RPSA: variants seen among roughly 807,000 people sequenced by gnomAD.
RPSA encodes small ribosomal subunit protein uS2.
For synonymous variants in RPSA, 103 were observed against 126.7 expected, an observed-to-expected ratio of 0.81 and a Z score of 1.25; for missense variants, 140 against 372.8, an observed-to-expected ratio of 0.38 and a Z score of 5.14.
rs752299730 is a variant in RPSA at position 39,411,049 on chromosome 3, AT to A, written c.498+52del. 496 of 1,591,738 alleles carry A rather than the reference AT, an allele frequency of 3.1e-4. 5 individuals carry two copies. In the Middle Eastern group the frequency reaches 0.016, roughly 51 times the overall value. ...TGTGAATGCGTGCTCTAGAAAAAACATTCCTGTGCACATTGTTAGAGCTTGG... is the reference window on the plus strand; with the variant it reads ...TGTGAATGCGTGCTCTAGAAAAAACATCCTGTGCACATTGTTAGAGCTTGG... On this transcript the variant is annotated intron_variant, in intron 4 of 6. Coordinates refer to ENST00000301821, the MANE Select transcript of RPSA (RefSeq NM_002295.6).
In RPSA at chr3:39,412,185, C is replaced by T. The variant is rs138895317; in HGVS notation, c.794-89C>T. 459 of 1,315,568 alleles carry T rather than the reference C, an allele frequency of 3.5e-4. No homozygotes were observed. In the African/African-American group the frequency reaches 4.4e-3, roughly 12 times the overall value. 81.5% of individuals were successfully genotyped at this position (1,315,568 alleles called of 1,614,324 possible). On this transcript the variant is annotated intron_variant, in intron 6 of 6. Transcript: ENST00000301821. ...AGGTTTTCATTCCAGTGTGCTACAG[C>T]ATCTGATAGACTGCTGTTGGGAGTG...
At chr3:39,408,255 G>A (rs2125591791) in intron 2 of RPSA, 1 of 446,304 alleles carries the variant, frequency 2.2e-6, no homozygotes, top group East Asian at 4.9e-5. Flanking sequence ...GGAGTTTTAG[G>A]ATGAATCTTG....
In RPSA at chr3:39,412,325, C is replaced by G. The variant is rs935747845; in HGVS notation, c.845C>G (p.Ala282Gly). ...GAAGACTGGTCTGCAGCTCCCACTG[C>G]TCAGGCCACTGAATGGGTAGGAGCA... Reference protein sequence around the residue: ...ATEDWSAAPTAQATEWVGATT... With the variant: ...ATEDWSAAPTGQATEWVGATT... The change falls in exon 7 of 7, where the codon GCT becomes GGT. Residue 282 changes from alanine (A) to glycine (G), a missense_variant. Transcript: ENST00000301821. 11 of 1,604,892 alleles carry G rather than the reference C, an allele frequency of 6.9e-6. No individual in the cohort carries two copies. The highest frequency in any genetic ancestry group is 8.5e-6 in the Non-Finnish European group (10 of 1,172,966).
intron 5 of RPSA, 52 bp from the exon 6 acceptor site, chr3:39,411,844 G>A: frequency 6.3e-7 from 1 of 1,599,520 alleles, no homozygotes; most frequent in Non-Finnish European, 8.5e-7. Context: ...CTTCTAGGAA[G>A]CAAAACTTGT....
At chr3:39,409,412 GCTGGTCTTAAACGC>G (rs1329918330) in intron 3 of RPSA, among the ~76,000 whole-genome samples, 8 of 152,028 alleles carry the variant, frequency 5.3e-5, no homozygotes. Flanking sequence ...ATTTGGCCAG[GCTGGTCTTAAACGC>G]CTGATCTCAA....
At position 39,411,937 on chromosome 3, in the gene RPSA, C is replaced by T. The variant is rs1422110584; in HGVS notation, c.669C>T (p.Thr223=). The T allele has an allele frequency of 6.3e-7, 1 of 1,599,830 alleles. No homozygotes were observed. Among genetic ancestry groups the T allele is most frequent in the Admixed American group, 1.7e-5 (1 of 60,002 alleles). ...EEQAAAEKAV[T]KEEFQGEWTA... is the part of the protein sequence containing the mutation. The stretch of plus-strand genomic sequence containing the variant: ...AGGCTGCTGCTGAGAAGGCAGTGAC[C>T]AAGGAGGAATTTCAGGGTGAATGGA... Residue 223 remains threonine, a synonymous_variant, in exon 6 of 7, where the codon ACC becomes ACT. Transcript: ENST00000301821.
intron 3 of RPSA, chr3:39,408,946 C>T (rs997651907): frequency 1.5e-5 from 7 of 465,644 alleles, no homozygotes; most frequent in African/African-American, 9.8e-5. Flanking sequence ...ATTAGTTGGG[C>T]GTGGGGGCGG....
Position 39,411,965 on chromosome 3 carries a change from G to C in RPSA, c.697G>C (p.Ala233Pro). 2 of 1,600,966 alleles carry C rather than the reference G, an allele frequency of 1.2e-6. No homozygotes were observed. The highest frequency in any genetic ancestry group is 1.1e-5 in the South Asian group (1 of 91,082). The change falls in exon 6 of 7, where the codon GCT (alanine) becomes CCT (proline). Residue 233 changes from alanine to proline, a missense_variant. Physicochemically the swap from Ala to Pro is conservative, Grantham distance 27. Transcript: ENST00000301821. ...TKEEFQGEWT[A>P]PAPEFTATQP... is the part of the protein sequence containing the mutation. Reference sequence around the variant, plus strand: ...GGAGGAATTTCAGGGTGAATGGACTGCTCCCGCTCCTGAGTTCACTGCTAC... The same window carrying C: ...GGAGGAATTTCAGGGTGAATGGACTCCTCCCGCTCCTGAGTTCACTGCTAC...
In RPSA at chr3:39,412,039, G is replaced by T. The variant is rs191245497; in HGVS notation, c.771G>T (p.Val257=). ...CTGAAGGTGTACAGGTGCCCTCTGT[G>T]CCTATTCAGCAATTCCCTACTGGTA... ...DWSEGVQVPS[V]PIQQFPTEDW... The change falls in exon 6 of 7, where the codon GTG becomes GTT. Residue 257 remains valine, a synonymous_variant. Coordinates refer to ENST00000301821, the MANE Select transcript of RPSA (RefSeq NM_002295.6). 3 of 1,610,612 alleles carry T rather than the reference G, an allele frequency of 1.9e-6. No individual in the cohort carries two copies. The East Asian group carries it at 6.7e-5, about 36-fold the overall frequency.
intron 4 of RPSA, chr3:39,411,295 G>C: frequency 3.0e-6 from 2 of 655,946 alleles, no homozygotes; most frequent in South Asian, 1.5e-5. Flanking sequence ...TTCTTGCTCA[G>C]GCCTCAGGCA....
At chr3:39,408,169 AG>A in intron 2 of RPSA, 1 of 368,498 alleles carries the variant, frequency 2.7e-6, no homozygotes, top group Non-Finnish European at 5.2e-6. Flanking sequence ...AGAGGATGGA[AG>A]GCATTAAGTT....
intron 3 of RPSA, among the ~76,000 whole-genome samples, chr3:39,409,290 C>T (rs1204078217): frequency 6.9e-6 from 1 of 145,770 alleles, no homozygotes; most frequent in African/African-American, 2.5e-5. Flanking sequence ...CAGCCTTTGC[C>T]TCCTAAGCTC....
intron 2 of RPSA, 120 bp from the exon 3 acceptor site, chr3:39,408,486 A>C (rs200885445): frequency 2.5e-6 from 2 of 786,420 alleles, no homozygotes; most frequent in Non-Finnish European, 4.7e-6. Context: ...TTTCGCTAAC[A>C]CCAGTAGAGC....
At chr3:39,407,096 C>T (rs1443887553) in intron 1 of RPSA, 4 of 430,690 alleles carry the variant, frequency 9.3e-6, no homozygotes, top group Non-Finnish European at 1.8e-5. Flanking sequence ...AGTCTAGGCC[C>T]AGGCGCTGAT....
At chr3:39,411,489 C>A (rs114148755) in intron 4 of RPSA, 160 bp from the exon 5 acceptor site, 1 of 731,690 alleles carries the variant, frequency 1.4e-6, no homozygotes, top group Non-Finnish European at 2.2e-6. Context: ...AGTGTGCAGA[C>A]AAGGTTGAAA....
intron 3 of RPSA, 149 bp downstream of exon 3, chr3:39,408,873 C>A (rs1480008596): frequency 1.7e-6 from 1 of 577,696 alleles, no homozygotes; most frequent in Admixed American, 2.7e-5. Flanking sequence ...TGGAGTCCGG[C>A]GTATTACGAG....
intron 1 of RPSA, 124 bp downstream of exon 1, chr3:39,406,888 G>A (rs1466652682): frequency 2.2e-6 from 1 of 456,268 alleles, no homozygotes; most frequent in Non-Finnish European, 4.4e-6. Context: ...CCCGCCCGGC[G>A]CGCCCCACCT....
In RPSA at chr3:39,407,650, C is replaced by G; in HGVS notation, c.-4C>G. On this transcript the variant is annotated 5_prime_UTR_variant, in exon 2 of 7. Coordinates refer to ENST00000301821, the MANE Select transcript of RPSA (RefSeq NM_002295.6). ...CCGTCGTAACTTAAAGGGAAATTTT[C>G]ACAATGTCCGGAGCCCTTGATGTCC... 2 of 1,595,608 alleles carry G rather than the reference C, an allele frequency of 1.3e-6. No homozygotes were observed. Among genetic ancestry groups the G allele is most frequent in the Non-Finnish European group, 1.7e-6 (2 of 1,177,486 alleles).
intron 2 of RPSA, chr3:39,408,102 A>T (rs2041946497): frequency 2.6e-6 from 1 of 379,794 alleles, no homozygotes; most frequent in South Asian, 2.3e-5. Flanking sequence ...ATTGAACTGA[A>T]TTTTGAGTGG....
Sources: gnomAD v4.1 joint callset for allele counts (sites outside exome capture counted in the v4.1 genomes callset) on GRCh38, gnomAD v4.1.1 for gene constraint, MANE v1.5 for transcripts, NCBI Gene and HGNC (gene_info 2026-07-23, HGNC 2026-07-21) for gene names.